Variants in TMEM74 observed in about 807,000 individuals in gnomAD.
TMEM74 encodes the protein transmembrane protein 74.
TMEM74 carries 13 observed loss-of-function variants against 18.1 expected under a neutral mutation model. The observed-to-expected ratio is 0.72, with a 90% CI of 0.47 to 1.14. The LOEUF (loss-of-function observed/expected upper bound fraction) is 1.14, where lower values mean the gene tolerates loss of function less well. Ranked by LOEUF, TMEM74 falls within the 50% of genes most tolerant of loss-of-function variation. The pLI, the probability that TMEM74 is intolerant of heterozygous loss-of-function variation, is 0.00. For synonymous variants in TMEM74, 159 were observed against 146.6 expected (o/e 1.08, Z -0.61); for missense variants, 372 against 375.9 (o/e 0.99, Z 0.09).
At chr8:108,762,618 T>C (rs78581452) in intron 1 of TMEM74, among the ~76,000 whole-genome samples, 2,761 of 152,260 alleles carry the variant, frequency 0.018, 92 homozygotes, top group African/African-American at 0.062. Context: ...TTTCCTTATA[T>C]ATACTTTTTC....
At chr8:108,738,575 A>C (rs540967161) in intron 1 of TMEM74, among the ~76,000 whole-genome samples, 117 of 152,272 alleles carry the variant, frequency 7.7e-4, no homozygotes, top group African/African-American at 2.8e-3. Context: ...AATGAAAGCC[A>C]GGGGAGCAAG....
intron 1 of TMEM74, among the ~76,000 whole-genome samples, chr8:108,661,698 G>A (rs555691682): frequency 6.6e-6 from 1 of 152,138 alleles, no homozygotes; most frequent in South Asian, 2.1e-4. Flanking sequence ...GGTAAGCACA[G>A]AAGGCTCTGG....
At chr8:108,662,152 C>G (rs1812906223) in intron 1 of TMEM74, among the ~76,000 whole-genome samples, 1 of 151,884 alleles carries the variant, frequency 6.6e-6, no homozygotes, top group African/African-American at 2.4e-5. Flanking sequence ...CTTCCACAGT[C>G]AGGATGAAGA....
intron 1 of TMEM74, among the ~76,000 whole-genome samples, chr8:108,722,783 T>C (rs1813598747): frequency 6.6e-6 from 1 of 152,210 alleles, no homozygotes; most frequent in African/African-American, 2.4e-5. Flanking sequence ...TTGCTGATAC[T>C]TATAGTGTTG....
Position 108,673,355 on chromosome 8 carries a change from T to G in TMEM74, n.120-17918A>C, listed in dbSNP as rs184536352. Among the ~76,000 whole-genome samples the G allele has an allele frequency of 6.1e-3, 925 of 152,298 alleles. 7 individuals carry two copies. Among genetic ancestry groups the G allele is most frequent in the Middle Eastern group, 0.01 (3 of 294 alleles). ...TGGAAATACTAGTTTCGGACTTTAT[T>G]GTCACATGATCTCAGACACAGGGCC... On this transcript the variant is annotated intron_variant and non_coding_transcript_variant, in intron 1 of 3. Coordinates refer to the TMEM74 transcript ENST00000518838.
At position 108,626,765 on chromosome 8, in the gene TMEM74, C is replaced by T. The variant is rs377304947; in HGVS notation, n.265-17939G>A. ...AAATTCAATGTTTTCTTGCTAGACCCTATCTGTCTATCTATATATACAACC... is the reference window on the plus strand; with the variant it reads ...AAATTCAATGTTTTCTTGCTAGACCTTATCTGTCTATCTATATATACAACC... On this transcript the variant is annotated intron_variant and non_coding_transcript_variant, in intron 2 of 3. Coordinates refer to the TMEM74 transcript ENST00000518838. 4.6e-5 allele frequency: 7 copies of T among 152,092 alleles called. No homozygotes were observed. The East Asian group carries it at 5.8e-4, about 13-fold the overall frequency. 9.4% of individuals were successfully genotyped at this position (152,092 alleles called of 1,614,324 possible).
At position 108,780,908 on chromosome 8, in the gene TMEM74, C is replaced by A. The variant is rs546366976; in HGVS notation, c.*3273G>T. 1.8e-4 allele frequency among the ~76,000 whole-genome samples: 28 copies of A among 152,252 alleles called. No individual in the cohort carries two copies. In the South Asian group the frequency reaches 2.3e-3, roughly 12 times the overall value. On this transcript the variant is annotated 3_prime_UTR_variant, in exon 2 of 2. Transcript: ENST00000297459. ...CCCAATGGGTGGGAAGGACACACAGCGCTGCAAAGAAAACTCTTTGCAAAC... is the reference window on the plus strand; with the variant it reads ...CCCAATGGGTGGGAAGGACACACAGAGCTGCAAAGAAAACTCTTTGCAAAC...
chr8:108,775,553 G>C (rs142974471), downstream of TMEM74, among the ~76,000 whole-genome samples: 183 of 152,264 alleles, frequency 1.2e-3, no homozygotes, highest in African/African-American at 4.0e-3. Context: ...CCTCCAGCCT[G>C]AGTTGTTTCT....
intron 1 of TMEM74, among the ~76,000 whole-genome samples, chr8:108,749,003 A>T (rs368971351): frequency 4.2e-4 from 64 of 152,206 alleles, no homozygotes; most frequent in African/African-American, 1.4e-3. Context: ...TTGTATGAGA[A>T]TATAGCGAAA....
intron 1 of TMEM74, among the ~76,000 whole-genome samples, chr8:108,773,708 G>C (rs755496254): frequency 1.3e-5 from 2 of 152,136 alleles, no homozygotes; most frequent in Non-Finnish European, 2.9e-5. Context: ...AAGCTCTATG[G>C]AGAGGTCCAA....
At chr8:108,762,330 G>A (rs573468276) in intron 1 of TMEM74, among the ~76,000 whole-genome samples, 10 of 152,202 alleles carry the variant, frequency 6.6e-5, no homozygotes, top group Non-Finnish European at 1.3e-4. Flanking sequence ...ATTATTTCAT[G>A]CCTTCTCTTA....
At chr8:108,642,482 G>A (rs145912349) in intron 2 of TMEM74, among the ~76,000 whole-genome samples, 1 of 151,624 alleles carries the variant, frequency 6.6e-6, no homozygotes, top group South Asian at 2.1e-4. Context: ...GAAAACAATC[G>A]ACAAAGCTGG....
At chr8:108,775,027 G>A (rs939799132), downstream of TMEM74, among the ~76,000 whole-genome samples, 2 of 152,140 alleles carry the variant, frequency 1.3e-5, no homozygotes, top group Non-Finnish European at 2.9e-5. Context: ...AAAGTTGCCA[G>A]ATGTTGTGAT....
At chr8:108,620,993 T>C (rs892798073) in intron 2 of TMEM74, among the ~76,000 whole-genome samples, 5 of 152,196 alleles carry the variant, frequency 3.3e-5, no homozygotes, top group African/African-American at 1.2e-4. Flanking sequence ...CCATGATGCC[T>C]GGTCCTTGGT....
intron 1 of TMEM74, among the ~76,000 whole-genome samples, chr8:108,751,860 A>G (rs1563542464): frequency 6.6e-6 from 1 of 152,150 alleles, no homozygotes; most frequent in African/African-American, 2.4e-5. Flanking sequence ...TTTGGAGAAC[A>G]TACGAAATTA....
chr8:108,623,505 A>G (rs1159625182), intron 2 of TMEM74, among the ~76,000 whole-genome samples: 1 of 152,084 alleles, frequency 6.6e-6, no homozygotes, highest in Non-Finnish European at 1.5e-5. Flanking sequence ...GGCTGTGAAT[A>G]GCCTTTAATG....
At chr8:108,689,156 CTGA>C (rs1251337090) in intron 1 of TMEM74, among the ~76,000 whole-genome samples, 3 of 152,226 alleles carry the variant, frequency 2.0e-5, no homozygotes, top group Non-Finnish European at 4.4e-5. Flanking sequence ...AGAGATGCAT[CTGA>C]TAAGTCCTGC....
At chr8:108,616,335 G>A (rs1812383208) in intron 2 of TMEM74, among the ~76,000 whole-genome samples, 1 of 152,142 alleles carries the variant, frequency 6.6e-6, no homozygotes, top group African/African-American at 2.4e-5. Flanking sequence ...AACAGTAAAA[G>A]TAACTTTATT....
At chr8:108,689,818 T>C (rs1813206978) in intron 1 of TMEM74, among the ~76,000 whole-genome samples, 1 of 152,186 alleles carries the variant, frequency 6.6e-6, no homozygotes, top group African/African-American at 2.4e-5. Flanking sequence ...AGTGACTTTG[T>C]CATTAAAACC....
Sources: allele counts gnomAD v4.1 joint callset (sites outside exome capture counted in the v4.1 genomes callset), GRCh38; gene constraint gnomAD v4.1.1; transcripts MANE v1.5; gene names NCBI Gene and HGNC (gene_info 2026-07-23, HGNC 2026-07-21).